KCNH7: variants seen among roughly 807,000 people sequenced by gnomAD.
KCNH7 encodes the protein voltage-gated inwardly rectifying potassium channel KCNH7.
KCNH7 carries 49 observed loss-of-function variants against 120.8 expected under a neutral mutation model. The observed-to-expected ratio is 0.41, with a 90% CI of 0.32 to 0.51. KCNH7 has a LOEUF of 0.51. Among genes scored for constraint, KCNH7 ranks in the 20% least tolerant of loss-of-function variants. KCNH7 has a pLI of 0.38. For missense variants in KCNH7, 1,097 were observed against 1,446.6 expected, an observed-to-expected ratio of 0.76 and a Z score of 3.92; for synonymous variants, 547 against 516.1, an observed-to-expected ratio of 1.06 and a Z score of -0.81.
intron 12 of KCNH7, among the ~76,000 whole-genome samples, chr2:162,393,659 T>C (rs751209736): frequency 6.6e-6 from 1 of 151,936 alleles, no homozygotes; most frequent in Non-Finnish European, 1.5e-5. Context: ...AAGACTAGAA[T>C]GTTTGTTGGA....
intron 2 of KCNH7, among the ~76,000 whole-genome samples, chr2:162,571,215 A>G (rs1693461787): frequency 6.6e-6 from 1 of 152,032 alleles, no homozygotes; most frequent in South Asian, 2.1e-4. Flanking sequence ...TACAAAATCA[A>G]TGTACAAAAA....
chr2:162,789,203 A>G (rs1683829395), intron 2 of KCNH7, among the ~76,000 whole-genome samples: 2 of 152,060 alleles, frequency 1.3e-5, no homozygotes, highest in Non-Finnish European at 2.9e-5. Context: ...AAATAAGAAC[A>G]TAATCAAATT....
At chr2:162,429,688 A>G (rs1343201931) in intron 8 of KCNH7, among the ~76,000 whole-genome samples, 1 of 150,506 alleles carries the variant, frequency 6.6e-6, no homozygotes, top group Non-Finnish European at 1.5e-5. Context: ...TCCTTTGTAT[A>G]TGATGTGTCA....
At chr2:162,828,994 G>A (rs1685384033) in intron 2 of KCNH7, among the ~76,000 whole-genome samples, 1 of 152,112 alleles carries the variant, frequency 6.6e-6, no homozygotes, top group South Asian at 2.1e-4. Context: ...CCTCAGCCAT[G>A]ATTCAGGCTA....
At chr2:162,565,540 C>T (rs1316034014) in intron 2 of KCNH7, among the ~76,000 whole-genome samples, 1 of 151,906 alleles carries the variant, frequency 6.6e-6, no homozygotes, top group African/African-American at 2.4e-5. Context: ...AAAAAGTCAG[C>T]ATTATTTTTC....
chr2:162,691,238 G>T lies in KCNH7; in HGVS notation c.307+145299C>A, dbSNP rs1435225924. 2.6e-5 allele frequency among the ~76,000 whole-genome samples: 4 copies of T among 152,140 alleles called. No homozygotes were observed. In the East Asian group the frequency reaches 7.7e-4, roughly 29 times the overall value. ...AGAAGACAGAGTGGTGGTTTCCTCT[G>T]AATTGTTCTGAATATATTTTTCTAG... is the stretch of plus-strand genomic sequence containing the variant. On this transcript the variant is annotated intron_variant, in intron 2 of 15. Coordinates refer to ENST00000332142, the MANE Select transcript of KCNH7 (RefSeq NM_033272.4).
chr2:162,411,811 T>C (rs1274766059), intron 9 of KCNH7, among the ~76,000 whole-genome samples: 1 of 151,734 alleles, frequency 6.6e-6, no homozygotes, highest in Non-Finnish European at 1.5e-5. Flanking sequence ...CAAAATTATT[T>C]TGGAAATTCT....
chr2:162,379,736 A>T, intron 14 of KCNH7, 117 bp downstream of exon 14: 2 of 975,390 alleles, frequency 2.1e-6, no homozygotes, highest in East Asian at 4.9e-5. Context: ...TTAAATAAGT[A>T]AATGTATAAG....
At chr2:162,523,058 C>A (rs1440459007) in intron 3 of KCNH7, among the ~76,000 whole-genome samples, 2 of 151,774 alleles carry the variant, frequency 1.3e-5, no homozygotes, top group Non-Finnish European at 2.9e-5. Context: ...TCTATACATG[C>A]AAAAATGTTA....
At chr2:162,621,605 T>C (rs1683362201) in intron 2 of KCNH7, among the ~76,000 whole-genome samples, 2 of 152,172 alleles carry the variant, frequency 1.3e-5, no homozygotes, top group African/African-American at 4.8e-5. Context: ...TGCATATATA[T>C]TTAAGTCACA....
At chr2:162,759,421 A>G (rs1266644068) in intron 2 of KCNH7, among the ~76,000 whole-genome samples, 1 of 152,128 alleles carries the variant, frequency 6.6e-6, no homozygotes, top group Non-Finnish European at 1.5e-5. Context: ...TCATCTTTCA[A>G]GTAGATCCCT....
At chr2:162,668,221 T>C (rs1685214462) in intron 2 of KCNH7, among the ~76,000 whole-genome samples, 1 of 152,204 alleles carries the variant, frequency 6.6e-6, no homozygotes, top group Non-Finnish European at 1.5e-5. Flanking sequence ...ACAGCTACCC[T>C]GAGGTCATCT....
At chr2:162,648,704 GT>G (rs113253918) in intron 2 of KCNH7, among the ~76,000 whole-genome samples, 5 of 152,168 alleles carry the variant, frequency 3.3e-5, no homozygotes, top group African/African-American at 1.2e-4. Context: ...GTTTCCACCT[GT>G]TTTTTTATGA....
intron 2 of KCNH7, among the ~76,000 whole-genome samples, chr2:162,705,831 A>G (rs1413465860): frequency 6.6e-6 from 1 of 152,146 alleles, no homozygotes; most frequent in African/African-American, 2.4e-5. Flanking sequence ...TTGGGAACCA[A>G]TTTGGAAAAG....
intron 6 of KCNH7, among the ~76,000 whole-genome samples, chr2:162,489,374 TA>T (rs372004892): frequency 0.015 from 2,214 of 149,110 alleles, 62 homozygotes; most frequent in African/African-American, 0.05. Flanking sequence ...GCCGATGAGC[TA>T]AAAAAAAAAT....
At chr2:162,381,366 C>T (rs564862988) in intron 13 of KCNH7, among the ~76,000 whole-genome samples, 5 of 152,190 alleles carry the variant, frequency 3.3e-5, no homozygotes, top group South Asian at 2.1e-4. Flanking sequence ...TAGGAAACAA[C>T]ACCATTGGAC....
chr2:162,780,414 A>C (rs1313595337), intron 2 of KCNH7, among the ~76,000 whole-genome samples: 1 of 152,146 alleles, frequency 6.6e-6, no homozygotes, highest in Admixed American at 6.6e-5. Flanking sequence ...CTAATCATTT[A>C]CTACCACTAC....
chr2:162,764,467 T>G (rs951370188), intron 2 of KCNH7, among the ~76,000 whole-genome samples: 5 of 152,210 alleles, frequency 3.3e-5, no homozygotes, highest in African/African-American at 1.2e-4. Flanking sequence ...TCAAATCTAG[T>G]GTAATCTAGC....
At chr2:162,618,822 C>T (rs754235624) in intron 2 of KCNH7, among the ~76,000 whole-genome samples, 4 of 152,056 alleles carry the variant, frequency 2.6e-5, no homozygotes, top group Non-Finnish European at 5.9e-5. Context: ...TTAAGACATG[C>T]CATCATAACG....
Sources: gnomAD v4.1 joint callset for allele counts (sites outside exome capture counted in the v4.1 genomes callset) on GRCh38, gnomAD v4.1.1 for gene constraint, MANE v1.5 for transcripts, NCBI Gene and HGNC (gene_info 2026-07-23, HGNC 2026-07-21) for gene names.